Variants in RPRD1A observed in about 807,000 individuals in gnomAD.
RPRD1A encodes regulation of nuclear pre-mRNA domain-containing protein 1A.
Under a neutral mutation model 37.8 loss-of-function variants are expected in RPRD1A, and 9 were observed. That is an observed-to-expected ratio of 0.24 (90% confidence interval 0.14 to 0.42). The LOEUF (loss-of-function observed/expected upper bound fraction) is 0.42, where lower values mean the gene tolerates loss of function less well. RPRD1A is among the 10% of genes least tolerant of loss of function. RPRD1A has a pLI of 1.00. For missense variants in RPRD1A, 255 were observed against 371.0 expected (o/e 0.69, Z 2.57); for synonymous variants, 138 against 139.7 (o/e 0.99, Z 0.08).
At chr18:35,998,852 T>C (rs745912450) in intron 6 of RPRD1A, among the ~76,000 whole-genome samples, 7 of 152,214 alleles carry the variant, frequency 4.6e-5, no homozygotes, top group African/African-American at 9.6e-5. Context: ...TTCTTTACAC[T>C]GCTATAATAC....
At chr18:36,055,179 G>A (rs965108256) in intron 1 of RPRD1A, among the ~76,000 whole-genome samples, 2 of 152,142 alleles carry the variant, frequency 1.3e-5, no homozygotes, top group African/African-American at 4.8e-5. Flanking sequence ...GAAATTTTTT[G>A]ATAGTTTGGC....
In RPRD1A at chr18:36,058,038, T is replaced by C. The variant is rs561137459; in HGVS notation, c.151+9216A>G. Reference sequence around the variant, plus strand: ...GTATTTCTTGAATAAAGAAACCTAATAGAAGAAACTTCTTGTATTTTTTGT... The same window carrying C: ...GTATTTCTTGAATAAAGAAACCTAACAGAAGAAACTTCTTGTATTTTTTGT... On this transcript the variant is annotated intron_variant, in intron 1 of 6. Coordinates refer to ENST00000399022, the MANE Select transcript of RPRD1A (RefSeq NM_018170.5). Among the ~76,000 whole-genome samples the C allele has an allele frequency of 9.8e-5, 15 of 152,322 alleles. No individual in the cohort carries two copies. In the South Asian group the frequency reaches 2.1e-3, roughly 21 times the overall value.
intron 1 of RPRD1A, among the ~76,000 whole-genome samples, chr18:36,066,738 G>C (rs932869424): frequency 1.3e-5 from 2 of 152,206 alleles, no homozygotes; most frequent in Non-Finnish European, 2.9e-5. Context: ...TTGCCCAATT[G>C]AGACCCTCTA....
intron 6 of RPRD1A, among the ~76,000 whole-genome samples, chr18:36,007,490 T>G (rs1485830115): frequency 1.3e-5 from 2 of 152,182 alleles, no homozygotes; most frequent in South Asian, 4.1e-4. Context: ...GTGATCGGAA[T>G]GCAGGGATTC....
chr18:36,033,951 T>C lies in RPRD1A; in HGVS notation c.152-114A>G. 8.6e-6 allele frequency: 7 copies of C among 813,106 alleles called. No individual in the cohort carries two copies. In the South Asian group the frequency reaches 1.5e-4, roughly 18 times the overall value. The allele number at this position is 813,106 out of a possible 1,614,324, so 50.4% of individuals were successfully genotyped here. A position where few individuals can be genotyped will look rare whatever the true frequency, so the allele number is the denominator to read the frequency against. ...TAAAATAACCCTACTAACCTTTATG[T>C]ATCATTTCAACCCTAGTCTCTCATT... On this transcript the variant is annotated intron_variant, in intron 1 of 6. Coordinates refer to ENST00000399022, the MANE Select transcript of RPRD1A (RefSeq NM_018170.5).
chr18:36,057,049 T>TAAA (rs1407950222), intron 1 of RPRD1A, among the ~76,000 whole-genome samples: 17 of 23,292 alleles, frequency 7.3e-4, no homozygotes, highest in African/African-American at 3.0e-3. Flanking sequence ...ACCCTGTTTC[T>TAAA]ACAAAAAAAA....
intron 6 of RPRD1A, among the ~76,000 whole-genome samples, chr18:36,022,706 T>A (rs1337911089): frequency 6.6e-6 from 1 of 152,204 alleles, no homozygotes; most frequent in Non-Finnish European, 1.5e-5. Flanking sequence ...TTCCCACCTG[T>A]AGTCACAGCA....
chr18:36,067,429 T>G lies in RPRD1A; in HGVS notation c.-25A>C, dbSNP rs764224815. On this transcript the variant is annotated 5_prime_UTR_variant, in exon 1 of 7. Coordinates refer to ENST00000399022, the MANE Select transcript of RPRD1A (RefSeq NM_018170.5). ...TCCCTCCGACACCACGTTCACGCCGTCCCACGCGGTGGGGCCGAGGGGAGG... is the reference window on the plus strand; with the variant it reads ...TCCCTCCGACACCACGTTCACGCCGGCCCACGCGGTGGGGCCGAGGGGAGG... 6.3e-7 allele frequency: 1 copy of G among 1,596,310 alleles called. No homozygotes were observed. Among genetic ancestry groups the G allele is most frequent in the East Asian group, 2.3e-5 (1 of 44,004 alleles).
At chr18:36,035,880 T>C (rs1912155920) in intron 1 of RPRD1A, among the ~76,000 whole-genome samples, 1 of 152,028 alleles carries the variant, frequency 6.6e-6, no homozygotes, top group African/African-American at 2.4e-5. Flanking sequence ...TTATTGGAGG[T>C]ACTCAAATTC....
chr18:36,067,426 C>T lies in RPRD1A; in HGVS notation c.-22G>A. 1 of 1,598,174 alleles carries T rather than the reference C, an allele frequency of 6.3e-7. No homozygotes were observed. ...ACATCCCTCCGACACCACGTTCACG[C>T]CGTCCCACGCGGTGGGGCCGAGGGG... On this transcript the variant is annotated 5_prime_UTR_variant, in exon 1 of 7. Transcript: ENST00000399022.
intron 1 of RPRD1A, among the ~76,000 whole-genome samples, chr18:36,039,277 C>A (rs1335058263): frequency 2.0e-5 from 3 of 152,182 alleles, no homozygotes; most frequent in Non-Finnish European, 4.4e-5. Context: ...AATTAAATTT[C>A]TTTTCTTCAA....
At chr18:36,015,667 T>C (rs770293809) in intron 6 of RPRD1A, among the ~76,000 whole-genome samples, 23 of 152,196 alleles carry the variant, frequency 1.5e-4, no homozygotes, top group Non-Finnish European at 1.5e-4. Flanking sequence ...TGACATGTAC[T>C]ACAAATTGGA....
chr18:35,997,603 T>C (rs1909153546), intron 6 of RPRD1A, among the ~76,000 whole-genome samples: 1 of 152,186 alleles, frequency 6.6e-6, no homozygotes, highest in Non-Finnish European at 1.5e-5. Context: ...TGTAACTGAG[T>C]ATCTATTCTA....
intron 6 of RPRD1A, among the ~76,000 whole-genome samples, chr18:36,015,151 CACACACATAT>C (rs1177690273): frequency 1.5e-5 from 2 of 132,208 alleles, no homozygotes; most frequent in Admixed American, 7.7e-5. Context: ...CACACACACA[CACACACATAT>C]ATACACATAT....
intron 1 of RPRD1A, among the ~76,000 whole-genome samples, chr18:36,055,402 C>T (rs1474310026): frequency 1.3e-5 from 2 of 152,128 alleles, no homozygotes; most frequent in Admixed American, 6.5e-5. Flanking sequence ...TCCTTCAATA[C>T]TTCCTTCTAT....
chr18:36,003,841 C>A (rs1332280520), intron 6 of RPRD1A, among the ~76,000 whole-genome samples: 1 of 151,680 alleles, frequency 6.6e-6, no homozygotes, highest in African/African-American at 2.4e-5. Flanking sequence ...CTCTGTTGCC[C>A]AGGCTGGAGT....
intron 6 of RPRD1A, among the ~76,000 whole-genome samples, chr18:36,012,430 G>T (rs1368982611): frequency 6.6e-6 from 1 of 152,142 alleles, no homozygotes; most frequent in Non-Finnish European, 1.5e-5. Flanking sequence ...CCTTCAAGAG[G>T]TATACCAGAA....
chr18:36,052,949 TTTAAA>T (rs1383861340), intron 1 of RPRD1A: 1 of 151,938 alleles, frequency 6.6e-6, no homozygotes, highest in Non-Finnish European at 1.5e-5. Context: ...ATTTTTAAAG[TTTAAA>T]TTAAAAAAAA....
chr18:36,024,678 G>A (rs1046723364), intron 6 of RPRD1A, among the ~76,000 whole-genome samples: 1 of 152,088 alleles, frequency 6.6e-6, no homozygotes, highest in African/African-American at 2.4e-5. Flanking sequence ...TCAGTATCTG[G>A]TCAACCACTG....
Sources: gnomAD v4.1 joint callset for allele counts (sites outside exome capture counted in the v4.1 genomes callset) on GRCh38, gnomAD v4.1.1 for gene constraint, MANE v1.5 for transcripts, NCBI Gene and HGNC (gene_info 2026-07-23, HGNC 2026-07-21) for gene names.